Variants in EYS observed in about 807,000 individuals in gnomAD.
The protein encoded by EYS is protein eyes shut homolog.
A neutral mutation model predicts 282.1 loss-of-function variants in EYS; 250 were observed. The observed-to-expected ratio is 0.89, with a 90% CI of 0.80 to 0.98. The LOEUF is 0.98. Ranked by LOEUF, EYS falls within the 50% of genes least tolerant of loss-of-function variation. EYS has a pLI of 0.00. For missense variants in EYS, 4,016 were observed against 3,709.0 expected, an observed-to-expected ratio of 1.08 and a Z score of -2.15; for synonymous variants, 1,355 against 1,282.9, an observed-to-expected ratio of 1.06 and a Z score of -1.20.
intron 13 of EYS, among the ~76,000 whole-genome samples, chr6:65,014,279 A>T (rs1413250895): frequency 6.6e-6 from 1 of 152,190 alleles, no homozygotes; most frequent in Non-Finnish European, 1.5e-5. Flanking sequence ...CAACCTTTTG[A>T]TTTCAGTCTT....
chr6:65,045,401 G>A (rs1056526282), intron 13 of EYS, among the ~76,000 whole-genome samples: 11 of 151,722 alleles, frequency 7.3e-5, no homozygotes, highest in Non-Finnish European at 1.2e-4. Context: ...CCACAGCCCC[G>A]AATTTTTATG....
At position 65,704,763 on chromosome 6, in the gene EYS, T is replaced by C. The variant is rs115029029; in HGVS notation, c.-448+2372A>G. Among the ~76,000 whole-genome samples, 902 of 152,252 alleles carry C rather than the reference T, an allele frequency of 5.9e-3. 10 individuals carry two copies. The highest frequency in any genetic ancestry group is 0.01 in the Non-Finnish European group (706 of 68,002). On this transcript the variant is annotated intron_variant, in intron 1 of 42. Transcript: ENST00000503581. Reference sequence around the variant, plus strand: ...AAAATGCACTTGGTGAAAATAAGCATAACACTGAAAGTAAAATGCACCAAA... The same window carrying C: ...AAAATGCACTTGGTGAAAATAAGCACAACACTGAAAGTAAAATGCACCAAA...
intron 36 of EYS, among the ~76,000 whole-genome samples, chr6:63,860,247 G>A (rs181181201): frequency 2.0e-5 from 3 of 152,268 alleles, no homozygotes. Context: ...AAAGGTTTCT[G>A]GAGGGAGCTA....
chr6:65,297,845 C>CA (rs1768709581), intron 11 of EYS, among the ~76,000 whole-genome samples: 3 of 152,120 alleles, frequency 2.0e-5, no homozygotes, highest in African/African-American at 4.8e-5. Context: ...TGCCACATGG[C>CA]AAAAAATTGT....
chr6:65,185,365 T>C (rs753161303), intron 12 of EYS, among the ~76,000 whole-genome samples: 7 of 151,838 alleles, frequency 4.6e-5, no homozygotes, highest in Non-Finnish European at 1.0e-4. Flanking sequence ...GAAATATCTA[T>C]GGCAGCCATT....
intron 29 of EYS, among the ~76,000 whole-genome samples, chr6:64,340,889 T>C (rs1342446395): frequency 6.6e-6 from 1 of 151,696 alleles, no homozygotes; most frequent in East Asian, 1.9e-4. Context: ...AATAACACCA[T>C]TAAAATGTGG....
chr6:63,857,663 C>A, intron 36 of EYS: 1 of 449,064 alleles, frequency 2.2e-6, no homozygotes, highest in South Asian at 1.7e-5. Context: ...CTGGATGCTA[C>A]TCAAGCACTA....
In EYS at chr6:63,720,684, A is replaced by G. The variant is rs1326672470; in HGVS notation, c.9347T>C (p.Val3116Ala). 6.5e-7 allele frequency: 1 copy of G among 1,545,370 alleles called. No homozygotes were observed. Among genetic ancestry groups the G allele is most frequent in the Non-Finnish European group, 8.7e-7 (1 of 1,145,242 alleles). Residue 3116 changes from valine to alanine, a missense_variant, in exon 43 of 43, where the codon GTA becomes GCA. Transcript: ENST00000503581. ...TNFVGKIKDV[V>A]FFQEPKNIEL... ...AATGTTTTTTGGTTCCTGAAAAAAT[A>G]CAACATCTTTAATTTTGCCAACAAA...
intron 2 of EYS, among the ~76,000 whole-genome samples, chr6:65,515,845 G>T (rs1186628923): frequency 6.7e-6 from 1 of 150,230 alleles, no homozygotes; most frequent in Non-Finnish European, 1.5e-5. Context: ...AATGCTAAAT[G>T]ACGAGTTAAC....
intron 14 of EYS, among the ~76,000 whole-genome samples, chr6:64,964,262 T>G (rs1463979617): frequency 6.6e-6 from 1 of 152,140 alleles, no homozygotes; most frequent in Non-Finnish European, 1.5e-5. Flanking sequence ...CTCTTTAATT[T>G]GGAAATAATC....
chr6:65,354,973 A>G (rs1764425404), intron 8 of EYS, among the ~76,000 whole-genome samples: 1 of 152,142 alleles, frequency 6.6e-6, no homozygotes. Context: ...TTATACTGAG[A>G]CATCAAATGT....
chr6:65,516,209 G>T (rs969156594), intron 2 of EYS, among the ~76,000 whole-genome samples: 1 of 151,950 alleles, frequency 6.6e-6, no homozygotes, highest in South Asian at 2.1e-4. Context: ...TGTATAATGT[G>T]ACAAATTAGT....
rs552688466 is a variant in EYS, at chr6:64,475,270, G to A, written c.5645-35918C>T. On this transcript the variant is annotated intron_variant, in intron 26 of 42. Transcript: ENST00000503581. ...CTCTGAATAGTAAATGAAAAGAAAA[G>A]GCCGGGCGCGGTGGCTCACGCCTGT... Among the ~76,000 whole-genome samples, 3 of 74,448 alleles carry A rather than the reference G, an allele frequency of 4.0e-5. 1 individual carries two copies. The highest frequency in any genetic ancestry group is 1.2e-4 in the African/African-American group (3 of 24,036). 48.8% of individuals were successfully genotyped at this position (74,448 alleles called of 152,430 possible).
intron 32 of EYS, among the ~76,000 whole-genome samples, chr6:64,075,243 T>C (rs1055106323): frequency 6.6e-6 from 1 of 151,948 alleles, no homozygotes; most frequent in African/African-American, 2.4e-5. Flanking sequence ...AATGATGACA[T>C]GGGCTGATAA....
At chr6:64,463,892 C>A (rs1775836749) in intron 26 of EYS, among the ~76,000 whole-genome samples, 1 of 152,114 alleles carries the variant, frequency 6.6e-6, no homozygotes, top group African/African-American at 2.4e-5. Context: ...ATCAAACTCT[C>A]CCAAAATATT....
chr6:65,500,701 C>T (rs886498146), intron 2 of EYS, among the ~76,000 whole-genome samples: 2 of 151,970 alleles, frequency 1.3e-5, no homozygotes, highest in Admixed American at 6.6e-5. Context: ...ATTATAGTAT[C>T]CTTTTTGAAG....
At chr6:63,752,822 G>C (rs1347469164) in intron 41 of EYS, among the ~76,000 whole-genome samples, 1 of 151,870 alleles carries the variant, frequency 6.6e-6, no homozygotes, top group Non-Finnish European at 1.5e-5. Flanking sequence ...ATTGAAGTTT[G>C]CTCAATACAT....
intron 12 of EYS, among the ~76,000 whole-genome samples, chr6:65,209,295 G>A (rs1766114378): frequency 6.6e-6 from 1 of 150,700 alleles, no homozygotes; most frequent in African/African-American, 2.4e-5. Context: ...TTTATTACTG[G>A]ACTCTCAGTA....
chr6:64,733,411 T>G (rs1001970400), intron 22 of EYS: 4 of 178,172 alleles, frequency 2.2e-5, no homozygotes, highest in Non-Finnish European at 1.2e-5. Context: ...TACACTGATT[T>G]CACAACATCA....
Sources: gnomAD v4.1 joint callset for allele counts (sites outside exome capture counted in the v4.1 genomes callset) on GRCh38, gnomAD v4.1.1 for gene constraint, MANE v1.5 for transcripts, NCBI Gene and HGNC (gene_info 2026-07-23, HGNC 2026-07-21) for gene names.